The following CNTNAP2 variants were observed in gnomAD, a reference collection of about 807,000 sequenced individuals.
CNTNAP2 encodes the protein contactin associated protein 2, also known as contactin-associated protein-like 2.
CNTNAP2 carries 98 observed loss-of-function variants against 155.2 expected under a neutral mutation model. That is an observed-to-expected ratio of 0.63 (90% CI 0.54 to 0.75). The LOEUF is 0.75. CNTNAP2 is among the 30% of genes least tolerant of loss of function. CNTNAP2 has a pLI of 0.00. For missense variants in CNTNAP2, 1,727 were observed against 1,688.1 expected (o/e 1.02, Z -0.40); for synonymous variants, 651 against 631.2 (o/e 1.03, Z -0.47).
intron 8 of CNTNAP2, among the ~76,000 whole-genome samples, chr7:147,279,015 A>G (rs1804969033): frequency 6.6e-6 from 1 of 151,486 alleles, no homozygotes. Context: ...CCAAAAATAC[A>G]TACTTGAAAT....
At chr7:146,736,578 G>C (rs1801624307) in intron 1 of CNTNAP2, among the ~76,000 whole-genome samples, 1 of 152,178 alleles carries the variant, frequency 6.6e-6, no homozygotes, top group East Asian at 1.9e-4. Context: ...TTGACTGTTA[G>C]TTGCTGCTAC....
chr7:147,621,277 A>G (rs1414444180), intron 12 of CNTNAP2, among the ~76,000 whole-genome samples: 2 of 152,148 alleles, frequency 1.3e-5, no homozygotes, highest in Admixed American at 1.3e-4. Flanking sequence ...AATGAGCAAT[A>G]AGAAATCACC....
At chr7:146,179,863 TA>T (rs749127530) in intron 1 of CNTNAP2, among the ~76,000 whole-genome samples, 3 of 152,194 alleles carry the variant, frequency 2.0e-5, no homozygotes, top group Non-Finnish European at 4.4e-5. Context: ...GAAGAAGAGA[TA>T]AAAAATATTT....
chr7:146,297,294 C>T (rs545995144), intron 1 of CNTNAP2, among the ~76,000 whole-genome samples: 17 of 151,878 alleles, frequency 1.1e-4, no homozygotes, highest in South Asian at 2.1e-4. Flanking sequence ...AAGATACCTT[C>T]GTTTTTTTCA....
chr7:146,931,217 A>G, intron 3 of CNTNAP2, among the ~76,000 whole-genome samples: 1 of 152,148 alleles, frequency 6.6e-6, no homozygotes, highest in Non-Finnish European at 1.5e-5. Context: ...GTAAAAGAAC[A>G]GAAATTATAA....
At chr7:146,495,180 C>G (rs1389814647) in intron 1 of CNTNAP2, among the ~76,000 whole-genome samples, 2 of 152,184 alleles carry the variant, frequency 1.3e-5, no homozygotes, top group African/African-American at 4.8e-5. Context: ...ACCCTAGTTA[C>G]AATGGCATTT....
intron 2 of CNTNAP2, among the ~76,000 whole-genome samples, chr7:146,789,508 A>G (rs1802633438): frequency 6.6e-6 from 1 of 152,080 alleles, no homozygotes; most frequent in Non-Finnish European, 1.5e-5. Context: ...ATTTGTTAAA[A>G]GCATATCTTT....
intron 11 of CNTNAP2, among the ~76,000 whole-genome samples, chr7:147,537,649 G>C (rs1799568756): frequency 6.6e-6 from 1 of 151,968 alleles, no homozygotes; most frequent in East Asian, 1.9e-4. Context: ...CTTAATTACA[G>C]GGTGATAATC....
chr7:147,062,984 A>G (rs577894166), intron 4 of CNTNAP2, among the ~76,000 whole-genome samples: 2 of 152,202 alleles, frequency 1.3e-5, no homozygotes, highest in Non-Finnish European at 2.9e-5. Flanking sequence ...ATTGACTTGA[A>G]AGCAGAATAG....
chr7:147,508,865 G>A (rs900700972), intron 11 of CNTNAP2, among the ~76,000 whole-genome samples: 2 of 152,156 alleles, frequency 1.3e-5, no homozygotes, highest in South Asian at 2.1e-4. Context: ...GTGGAACTGT[G>A]AGTCCATTAA....
chr7:146,369,198 A>T (rs1275044272), intron 1 of CNTNAP2, among the ~76,000 whole-genome samples: 2 of 151,540 alleles, frequency 1.3e-5, no homozygotes, highest in Non-Finnish European at 2.9e-5. Context: ...TGTGTGTTTT[A>T]AAAGGGCCAT....
At position 147,642,470 on chromosome 7, in the gene CNTNAP2, C is replaced by T. The variant is rs185949457; in HGVS notation, c.2098+3164C>T. 2.5e-4 allele frequency among the ~76,000 whole-genome samples: 38 copies of T among 152,050 alleles called. No individual in the cohort carries two copies. In the East Asian group the frequency reaches 5.8e-3, roughly 23 times the overall value. ...TGCAGTTCAGCATCTTTCTTTCCCC[C>T]TCATTGACATTCCTTGTCTCTTCCC... is the stretch of plus-strand genomic sequence containing the variant. On this transcript the variant is annotated intron_variant, in intron 13 of 23. Coordinates refer to ENST00000361727, the MANE Select transcript of CNTNAP2 (RefSeq NM_014141.6).
chr7:146,750,328 C>T (rs1181916112), intron 1 of CNTNAP2, among the ~76,000 whole-genome samples: 1 of 152,142 alleles, frequency 6.6e-6, no homozygotes, highest in African/African-American at 2.4e-5. Flanking sequence ...TGATCTCGGA[C>T]ATCTTGATAA....
At chr7:146,302,991 T>C (rs1459942719) in intron 1 of CNTNAP2, among the ~76,000 whole-genome samples, 1 of 152,064 alleles carries the variant, frequency 6.6e-6, no homozygotes, top group Non-Finnish European at 1.5e-5. Context: ...GGTAAGTACA[T>C]GATTAAATCT....
At chr7:146,685,723 A>G (rs1264870774) in intron 1 of CNTNAP2, among the ~76,000 whole-genome samples, 1 of 148,486 alleles carries the variant, frequency 6.7e-6, no homozygotes, top group Non-Finnish European at 1.5e-5. Context: ...TTCTAGGTGA[A>G]TTAGAAAAAA....
chr7:146,976,577 T>C (rs1395516840), intron 3 of CNTNAP2, among the ~76,000 whole-genome samples: 1 of 152,168 alleles, frequency 6.6e-6, no homozygotes, highest in Non-Finnish European at 1.5e-5. Context: ...GATGAAGAGA[T>C]GTCTAGGGTG....
chr7:147,148,263 G>A (rs1297666273), intron 8 of CNTNAP2, among the ~76,000 whole-genome samples: 5 of 150,694 alleles, frequency 3.3e-5, no homozygotes, highest in East Asian at 2.0e-4. Context: ...AGTGGCGGGC[G>A]CCTGTAGTCC....
At chr7:147,529,648 G>T (rs555707115) in intron 11 of CNTNAP2, among the ~76,000 whole-genome samples, 1 of 152,232 alleles carries the variant, frequency 6.6e-6, no homozygotes, top group South Asian at 2.1e-4. Context: ...AATCAAGGAC[G>T]TTGAGGCTTA....
At chr7:146,462,166 A>G (rs529969732) in intron 1 of CNTNAP2, among the ~76,000 whole-genome samples, 84 of 152,306 alleles carry the variant, frequency 5.5e-4, no homozygotes, top group African/African-American at 1.7e-3. Context: ...ATAATACCAC[A>G]TGTCACTACC....
Sources: gnomAD v4.1 joint callset for allele counts (sites outside exome capture counted in the v4.1 genomes callset) on GRCh38, gnomAD v4.1.1 for gene constraint, MANE v1.5 for transcripts, NCBI Gene and HGNC (gene_info 2026-07-23, HGNC 2026-07-21) for gene names.